Variants in MTF1 observed in about 807,000 individuals in gnomAD.
MTF1 encodes the protein MRE-binding transcription factor.
In MTF1, 22 loss-of-function variants were observed where a neutral mutation model predicts 70.4. The observed-to-expected ratio is 0.31, with a 90% CI of 0.22 to 0.45. The LOEUF (loss-of-function observed/expected upper bound fraction) is 0.45, where lower values mean the gene tolerates loss of function less well. MTF1 is among the 20% of genes least tolerant of loss of function. The probability of loss-of-function intolerance (pLI) is 1.00; values close to 1 mark genes in which losing one functional copy is unlikely to be tolerated. For synonymous variants in MTF1, 333 were observed against 352.8 expected, an observed-to-expected ratio of 0.94 and a Z score of 0.63; for missense variants, 649 against 922.0, an observed-to-expected ratio of 0.70 and a Z score of 3.83.
At chr1:37,853,487 A>G (rs1245491608) in intron 2 of MTF1, among the ~76,000 whole-genome samples, 3 of 152,354 alleles carry the variant, frequency 2.0e-5, no homozygotes, top group East Asian at 3.9e-4. Context: ...GGAAGAATGG[A>G]GTAGCTCCAA....
chr1:37,835,178 C>T lies in MTF1; in HGVS notation c.891G>A (p.Glu297=). ...GACTGTATTGAGTGCTGAATGTTTT[C>T]TCACAGCCATTACTGGGGCAGAAGA... ...RPFFCPSNGC[E]KTFSTQYSLK... is the part of the protein sequence containing the mutation. The change falls in exon 6 of 11, where the codon GAG becomes GAA. Residue 297 remains glutamate, a synonymous_variant. Coordinates refer to ENST00000373036, the MANE Select transcript of MTF1 (RefSeq NM_005955.3). 6.2e-7 allele frequency: 1 copy of T among 1,613,772 alleles called. No homozygotes were observed. Among genetic ancestry groups the T allele is most frequent in the Non-Finnish European group, 8.5e-7 (1 of 1,179,684 alleles).
In MTF1 at chr1:37,814,676, C is replaced by T. The variant is rs1640787671; in HGVS notation, c.*460G>A. On this transcript the variant is annotated 3_prime_UTR_variant, in exon 11 of 11. Coordinates refer to ENST00000373036, the MANE Select transcript of MTF1 (RefSeq NM_005955.3). ...CTCTCTGATGGAGCAAGGGTCTGGC[C>T]TTCCAAGCAAATGTCAGCCTCAGAT... The T allele has an allele frequency of 5.6e-6, 1 of 177,202 alleles. No individual in the cohort carries two copies. Among genetic ancestry groups the T allele is most frequent in the Non-Finnish European group, 1.2e-5 (1 of 82,510 alleles). 11.0% of individuals were successfully genotyped at this position (177,202 alleles called of 1,614,324 possible). A position where few individuals can be genotyped will look rare whatever the true frequency, so the allele number is the denominator to read the frequency against.
chr1:37,840,250 G>T lies in MTF1; in HGVS notation c.409-92C>A. 8.7e-7 allele frequency: 1 copy of T among 1,144,418 alleles called. No individual in the cohort carries two copies. The highest frequency in any genetic ancestry group is 1.3e-6 in the Non-Finnish European group (1 of 775,116). The allele number at this position is 1,144,418 out of a possible 1,614,324, so 70.9% of individuals were successfully genotyped here. On this transcript the variant is annotated intron_variant, in intron 2 of 10. Transcript: ENST00000373036. This position sits in a 1 kb window ranked among gnomAD's most constrained non-coding sequence, Gnocchi z 4.5. ...GAGCTCAGCTCCCAAGAGATGCTGT[G>T]GACAATACAACTGGGTTTTCATCAT...
chr1:37,843,395 AAAG>A (rs1386407215), intron 2 of MTF1, among the ~76,000 whole-genome samples: 1 of 152,190 alleles, frequency 6.6e-6, no homozygotes, highest in African/African-American at 2.4e-5. Flanking sequence ...GGAGGAAAAT[AAAG>A]AAGAGCAAGA....
At position 37,814,318 on chromosome 1, in the gene MTF1, TC is replaced by T. The variant is rs1640783833; in HGVS notation, c.*817del. 1 of 151,910 alleles carries T rather than the reference TC, an allele frequency of 6.6e-6. No individual in the cohort carries two copies. Among genetic ancestry groups the T allele is most frequent in the South Asian group, 2.1e-4 (1 of 4,804 alleles). The allele number at this position is 151,910 out of a possible 1,614,324, so 9.4% of individuals were successfully genotyped here. On this transcript the variant is annotated 3_prime_UTR_variant, in exon 11 of 11. Coordinates refer to ENST00000373036, the MANE Select transcript of MTF1 (RefSeq NM_005955.3). ...TCACTCTAGGACAAAACAGCGATGT[TC>T]CCCAAGGAAAATTCACTGCGATCTG...
chr1:37,819,249 A>C (rs190740056), intron 9 of MTF1, among the ~76,000 whole-genome samples: 1 of 152,164 alleles, frequency 6.6e-6, no homozygotes, highest in Admixed American at 6.5e-5. Context: ...ATAACCAAAA[A>C]CCTCTTCAAA....
At chr1:37,855,082 C>G (rs1466831406) in intron 2 of MTF1, among the ~76,000 whole-genome samples, 1 of 151,938 alleles carries the variant, frequency 6.6e-6, no homozygotes, top group African/African-American at 2.4e-5. Flanking sequence ...AAAAAAGGAC[C>G]TTGGAAAACT....
intron 7 of MTF1, among the ~76,000 whole-genome samples, chr1:37,824,770 TA>T (rs1374865401): frequency 6.6e-6 from 1 of 152,184 alleles, no homozygotes; most frequent in East Asian, 1.9e-4. Flanking sequence ...ACATTGTGAA[TA>T]TTTTTCATAA....
chr1:37,836,621 T>G (rs1209568324), intron 4 of MTF1, among the ~76,000 whole-genome samples: 2 of 152,252 alleles, frequency 1.3e-5, no homozygotes, highest in Non-Finnish European at 2.9e-5. Context: ...TCTTATTTTC[T>G]CTGTGGATAC....
chr1:37,835,195 G>C lies in MTF1; in HGVS notation c.874C>G (p.Pro292Ala). 6.2e-7 allele frequency: 1 copy of C among 1,613,562 alleles called. No homozygotes were observed. Among genetic ancestry groups the C allele is most frequent in the Non-Finnish European group, 8.5e-7 (1 of 1,179,522 alleles). The change falls in exon 6 of 11, where the codon CCC becomes GCC. Residue 292 changes from proline (P) to alanine (A), a missense_variant. Physicochemically the swap from Pro to Ala is conservative, Grantham distance 27. Coordinates refer to ENST00000373036, the MANE Select transcript of MTF1 (RefSeq NM_005955.3). ...AATGTTTTCTCACAGCCATTACTGG[G>C]GCAGAAGAAGGGTCTTTCACCTGCA... Reference protein sequence around the residue: ...THTGERPFFCPSNGCEKTFST... With the variant: ...THTGERPFFCASNGCEKTFST...
intron 1 of MTF1, 141 bp from the exon 2 acceptor site, chr1:37,857,850 T>G: frequency 1.7e-6 from 1 of 599,550 alleles, no homozygotes; most frequent in South Asian, 2.3e-5. Flanking sequence ...ATTTTTTTAT[T>G]TTAACTTTAA....
chr1:37,838,962 G>A (rs141560874), intron 3 of MTF1, among the ~76,000 whole-genome samples: 2,206 of 151,596 alleles, frequency 0.015, 56 homozygotes, highest in African/African-American at 0.051. Context: ...CCACAACCAC[G>A]CCTGGCTAAT....
In MTF1 at chr1:37,815,401, G is replaced by A; in HGVS notation, c.1997C>T (p.Pro666Leu). ...PPPPEPSPQA[P>L]DGPSLQLPAQ... is the part of the protein sequence containing the mutation. ...TGGGAGCTGCAGGCTGGGCCCATCA[G>A]GAGCCTGGGGGCTCGGCTCTGGAGG... The change falls in exon 11 of 11, where the codon CCT becomes CTT. Residue 666 changes from proline to leucine, a missense_variant. Coordinates refer to ENST00000373036, the MANE Select transcript of MTF1 (RefSeq NM_005955.3). The surrounding 1 kb of genome is among the most constrained non-coding windows in gnomAD (Gnocchi z 4.5). The A allele has an allele frequency of 6.2e-7, 1 of 1,613,988 alleles. No homozygotes were observed. The highest frequency in any genetic ancestry group is 8.5e-7 in the Non-Finnish European group (1 of 1,179,962).
At chr1:37,844,994 A>G (rs1346595351) in intron 2 of MTF1, among the ~76,000 whole-genome samples, 1 of 152,242 alleles carries the variant, frequency 6.6e-6, no homozygotes, top group Non-Finnish European at 1.5e-5. Context: ...GTTATCTGAA[A>G]AACAACAGGC....
chr1:37,831,794 T>A lies in MTF1; in HGVS notation c.1068+451A>T, dbSNP rs1050074600. ...CTCTCCCCATTGCACAGAAAAAAAA[T>A]AAATAAATAAAATTAAAATGAAAAA... On this transcript the variant is annotated intron_variant, in intron 7 of 10. Coordinates refer to ENST00000373036, the MANE Select transcript of MTF1 (RefSeq NM_005955.3). Among the ~76,000 whole-genome samples the A allele has an allele frequency of 4.0e-5, 6 of 151,672 alleles. 1 individual carries two copies. Among genetic ancestry groups the A allele is most frequent in the African/African-American group, 9.7e-5 (4 of 41,342 alleles).
In MTF1 at chr1:37,822,673, A is replaced by G. The variant is rs776927914; in HGVS notation, c.1215T>C (p.Ser405=). The change falls in exon 9 of 11, where the codon AGT becomes AGC. Residue 405 remains serine (S), a synonymous_variant. Coordinates refer to ENST00000373036, the MANE Select transcript of MTF1 (RefSeq NM_005955.3). ...AATTTCCTGTGGATGGCGGAACATC[A>G]CTGACTGACTCTGCATCACCATTAA... ...ESFNGDAESV[S]DVPPSTGNSA... is the part of the protein sequence containing the mutation. 30 of 1,613,626 alleles carry G rather than the reference A, an allele frequency of 1.9e-5. No individual in the cohort carries two copies. Among genetic ancestry groups the G allele is most frequent in the Non-Finnish European group, 2.5e-5 (29 of 1,179,972 alleles).
rs1641047856 is a variant in MTF1, at chr1:37,829,136, GA to G, written c.1068+3108del. Among the ~76,000 whole-genome samples the G allele has an allele frequency of 2.4e-5, 3 of 123,774 alleles. No individual in the cohort carries two copies. The South Asian group carries it at 7.5e-4, about 31-fold the overall frequency. The allele number at this position is 123,774 out of a possible 152,430, so 81.2% of individuals were successfully genotyped here. ...CTCTCTTTTTTTTCTTTTTTTTTTT[GA>G]GACAGGGTCTTGCTCTGTTGCCCAG... On this transcript the variant is annotated intron_variant, in intron 7 of 10. Transcript: ENST00000373036.
At chr1:37,849,256 T>C (rs1313590984) in intron 2 of MTF1, among the ~76,000 whole-genome samples, 1 of 152,018 alleles carries the variant, frequency 6.6e-6, no homozygotes, top group Non-Finnish European at 1.5e-5. Flanking sequence ...TGAAACCCCA[T>C]CTCTACTAAA....
rs772566221 is a variant in MTF1, at chr1:37,823,801, C to G, written c.1080G>C (p.Gln360His). Residue 360 changes from glutamine to histidine, a missense_variant, in exon 8 of 11, where the codon CAG becomes CAC. By Grantham distance (24) the Gln-to-His change is conservative. This residue lies in a region of MTF1 where 267 missense variants were observed against 292.1 expected (regional missense o/e 0.91). Transcript: ENST00000373036. ...TTGCTGGTGAAATTGTGCTGAGGTC[C>G]TGGCCCTGGGTCTGATGGAGAGAGA... ...LRENSSTTQG[Q>H]DLSTISPAII... 7 of 1,613,796 alleles carry G rather than the reference C, an allele frequency of 4.3e-6. No homozygotes were observed. In the East Asian group the frequency reaches 1.6e-4, roughly 36 times the overall value.
Sources: gnomAD v4.1 joint callset for allele counts (sites outside exome capture counted in the v4.1 genomes callset) on GRCh38, gnomAD v4.1.1 for gene constraint, gnomAD v4.1.1 regional missense constraint, Gnocchi (gnomAD v3.1) non-coding constraint, MANE v1.5 for transcripts, NCBI Gene and HGNC (gene_info 2026-07-23, HGNC 2026-07-21) for gene names.